The following MED25 variants were observed in gnomAD, a reference collection of about 807,000 sequenced individuals.
MED25 encodes the protein mediator complex subunit 25, also known as mediator of RNA polymerase II transcription subunit 25.
MED25 carries 62 observed loss-of-function variants against 89.4 expected under a neutral mutation model. That is an observed-to-expected ratio of 0.69 (90% CI 0.57 to 0.86). The LOEUF is 0.86. Ranked by LOEUF, MED25 falls within the 40% of genes least tolerant of loss-of-function variation. The pLI is 0.00. For synonymous variants in MED25, 449 were observed against 427.9 expected (o/e 1.05, Z -0.61); for missense variants, 905 against 1,005.2 (o/e 0.90, Z 1.35).
chr19:49,824,903 C>T (rs929184652), intron 3 of MED25, among the ~76,000 whole-genome samples: 8 of 152,082 alleles, frequency 5.3e-5, no homozygotes, highest in African/African-American at 9.7e-5. Context: ...GCAGAGACCC[C>T]GGGGAATGAT....
intron 3 of MED25, among the ~76,000 whole-genome samples, chr19:49,821,007 C>T (rs563210446): frequency 3.0e-4 from 46 of 152,344 alleles, no homozygotes; most frequent in African/African-American, 1.1e-3. Flanking sequence ...CTGCATACTG[C>T]AAACATTTAT....
intron 3 of MED25, among the ~76,000 whole-genome samples, chr19:49,821,105 G>T (rs1257458242): frequency 6.6e-6 from 1 of 152,230 alleles, no homozygotes; most frequent in African/African-American, 2.4e-5. Context: ...ATAGTCAGGA[G>T]GTCGGCAGGA....
At position 49,818,363 on chromosome 19, in the gene MED25, C is replaced by T; in HGVS notation, c.22C>T (p.Pro8Ser). Residue 8 changes from proline (P) to serine (S), a missense_variant, in exon 1 of 18, where the codon CCG (proline) becomes TCG (serine). Physicochemically the swap from Pro to Ser is moderately conservative, Grantham distance 74. Transcript: ENST00000312865. ...GGGTATGGTCCCCGGGTCCGAGGGCCCGGCCCGCGCCGGGAGCGTGGTGGC... is the reference window on the plus strand; with the variant it reads ...GGGTATGGTCCCCGGGTCCGAGGGCTCGGCCCGCGCCGGGAGCGTGGTGGC... The part of the protein sequence containing the change: MVPGSEG[P>S]ARAGSVVADV... 1 of 1,605,212 alleles carries T rather than the reference C, an allele frequency of 6.2e-7. No individual in the cohort carries two copies. Among genetic ancestry groups the T allele is most frequent in the Middle Eastern group, 1.7e-4 (1 of 5,984 alleles).
Position 49,831,975 on chromosome 19 carries a change from A to G in MED25, c.1270A>G (p.Thr424Ala). Residue 424 changes from threonine to alanine, a missense_variant, in exon 11 of 18, where the codon ACG becomes GCG. This residue lies in a region of MED25 where 133 missense variants were observed against 220.2 expected (regional missense o/e 0.60). Transcript: ENST00000312865. The surrounding 1 kb of genome is among the most constrained non-coding windows in gnomAD (Gnocchi z 5.0). ...PASVDANTKL[T>A]RSLPCQVYVN... ...CTCAGTGGATGCCAACACCAAGCTG[A>G]CGCGGTCACTGCCCTGCCAGGTCTA... is the stretch of plus-strand genomic sequence containing the variant. 6.2e-7 allele frequency: 1 copy of G among 1,613,832 alleles called. No homozygotes were observed. The highest frequency in any genetic ancestry group is 2.2e-5 in the East Asian group (1 of 44,848).
At chr19:49,833,516 GA>G (rs1433221002) in intron 13 of MED25, 1 of 152,228 alleles carries the variant, frequency 6.6e-6, no homozygotes, top group Non-Finnish European at 1.5e-5. Context: ...ACCTTAGGGG[GA>G]TCACCTCACG....
rs965999829 is a variant in MED25, at chr19:49,818,313, C to T, written c.-29C>T. On this transcript the variant is annotated 5_prime_UTR_variant, in exon 1 of 18. Transcript: ENST00000312865. ...CATTCCGCGGCGTCGGCTGCGGCTG[C>T]AGTGGTGGTGGCGGGTACCGCACGG... The T allele has an allele frequency of 4.5e-6, 7 of 1,567,122 alleles. No individual in the cohort carries two copies. Among genetic ancestry groups the T allele is most frequent in the Non-Finnish European group, 6.1e-6 (7 of 1,155,566 alleles).
At position 49,836,306 on chromosome 19, in the gene MED25, G is replaced by A. The variant is rs755620011; in HGVS notation, c.2046G>A (p.Pro682=). ...PPGAPALLPP[P]HQGLGQPQLG... is the part of the protein sequence containing the mutation. The stretch of plus-strand genomic sequence containing the variant: ...GGGCTCCTGCGCTGCTGCCTCCGCC[G>A]CACCAGGGCCTGGGGCAGCCCCAGT... The change falls in exon 17 of 18, where the codon CCG becomes CCA. Residue 682 remains proline (P), a synonymous_variant. Coordinates refer to ENST00000312865, the MANE Select transcript of MED25 (RefSeq NM_030973.4). The surrounding 1 kb of genome is among the most constrained non-coding windows in gnomAD (Gnocchi z 5.1). The A allele has an allele frequency of 6.2e-5, 100 of 1,611,042 alleles. No homozygotes were observed. The highest frequency in any genetic ancestry group is 2.5e-4 in the South Asian group (23 of 90,830).
chr19:49,840,237 AAG>A (rs1243100028), downstream of MED25: 4 of 152,292 alleles, frequency 2.6e-5, no homozygotes, highest in South Asian at 2.1e-4. Flanking sequence ...AGAATTATGA[AAG>A]AGAAAATTTT....
At chr19:49,828,663 C>T (rs1048213482) in intron 4 of MED25, 116 bp downstream of exon 4, 1 of 981,826 alleles carries the variant, frequency 1.0e-6, no homozygotes, top group Non-Finnish European at 1.6e-6. Context: ...GCTCTGTGTC[C>T]CCAAGCACGC....
rs983920270 is a variant in MED25 at position 49,831,709 on chromosome 19, G to T, written c.1231-227G>T. 1.5e-4 allele frequency among the ~76,000 whole-genome samples: 23 copies of T among 152,282 alleles called. No homozygotes were observed. The highest frequency in any genetic ancestry group is 5.5e-4 in the African/African-American group (23 of 41,562). The stretch of plus-strand genomic sequence containing the variant: ...ATTTGGGGCCCAGAGAAGAGCCCAG[G>T]CGATGTATCATCTGGGGCACAGTGG... On this transcript the variant is annotated intron_variant, in intron 10 of 17. Transcript: ENST00000312865. The surrounding 1 kb of genome is among the most constrained non-coding windows in gnomAD (Gnocchi z 5.0).
In MED25 at chr19:49,835,677, G is replaced by A; in HGVS notation, c.1747-50G>A. 3.2e-6 allele frequency: 5 copies of A among 1,585,126 alleles called. No individual in the cohort carries two copies. The highest frequency in any genetic ancestry group is 4.3e-6 in the Non-Finnish European group (5 of 1,166,388). Reference sequence around the variant, plus strand: ...AGGCTGCGCTCTGTGCCTGCAGAAGGGGCGTGAGGCCCTGCCCATCTCCCT... The same window carrying A: ...AGGCTGCGCTCTGTGCCTGCAGAAGAGGCGTGAGGCCCTGCCCATCTCCCT... On this transcript the variant is annotated intron_variant, in intron 15 of 17. Coordinates refer to ENST00000312865, the MANE Select transcript of MED25 (RefSeq NM_030973.4). The surrounding 1 kb of genome is among the most constrained non-coding windows in gnomAD (Gnocchi z 6.2).
chr19:49,827,424 A>G (rs1272067421), intron 3 of MED25, among the ~76,000 whole-genome samples: 2 of 152,118 alleles, frequency 1.3e-5, no homozygotes, highest in South Asian at 2.1e-4. Flanking sequence ...TCCAGGTGGT[A>G]GGGCCAGGCT....
downstream of MED25, among the ~76,000 whole-genome samples, chr19:49,837,210 TG>T (rs1182157187): frequency 2.0e-5 from 3 of 152,090 alleles, no homozygotes; most frequent in African/African-American, 7.2e-5. Flanking sequence ...AGGGGCACCA[TG>T]GGAGCCTGGA....
Position 49,835,208 on chromosome 19 carries a change from C to T in MED25, c.1674+31C>T. ...TGTTGACAGTCCCCAAACCAGCACT[C>T]CGACCCCCTCCTGCCCGGGCCCCAC... On this transcript the variant is annotated intron_variant, in intron 14 of 17. Transcript: ENST00000312865. This position sits in a 1 kb window ranked among gnomAD's most constrained non-coding sequence, Gnocchi z 6.2. The T allele has an allele frequency of 6.2e-7, 1 of 1,612,120 alleles. No homozygotes were observed. The highest frequency in any genetic ancestry group is 8.5e-7 in the Non-Finnish European group (1 of 1,178,564).
At position 49,818,311 on chromosome 19, in the gene MED25, T is replaced by A. The variant is rs1018990154; in HGVS notation, c.-31T>A. ...CTCATTCCGCGGCGTCGGCTGCGGCTGCAGTGGTGGTGGCGGGTACCGCAC... is the reference window on the plus strand; with the variant it reads ...CTCATTCCGCGGCGTCGGCTGCGGCAGCAGTGGTGGTGGCGGGTACCGCAC... On this transcript the variant is annotated 5_prime_UTR_variant, in exon 1 of 18. Transcript: ENST00000312865. The A allele has an allele frequency of 1.3e-5, 21 of 1,566,050 alleles. No individual in the cohort carries two copies. The highest frequency in any genetic ancestry group is 1.8e-5 in the Non-Finnish European group (21 of 1,154,898).
Position 49,819,234 on chromosome 19 carries a change from C to T in MED25, c.243C>T (p.Tyr81=), listed in dbSNP as rs2123862187. The change falls in exon 3 of 18, where the codon TAC becomes TAT. Residue 81 remains tyrosine (Y), a synonymous_variant. Coordinates refer to ENST00000312865, the MANE Select transcript of MED25 (RefSeq NM_030973.4). Reference sequence around the variant, plus strand: ...CAGTGGACTGCGCTCCCGAGTCCTACGTACAATGTCACGCTCCCACCAGCA... The same window carrying T: ...CAGTGGACTGCGCTCCCGAGTCCTATGTACAATGTCACGCTCCCACCAGCA... ...FNTVDCAPES[Y]VQCHAPTSSA... is the part of the protein sequence containing the mutation. 1.2e-6 allele frequency: 2 copies of T among 1,614,228 alleles called. No individual in the cohort carries two copies. Among genetic ancestry groups the T allele is most frequent in the Non-Finnish European group, 8.5e-7 (1 of 1,180,030 alleles).
intron 3 of MED25, among the ~76,000 whole-genome samples, chr19:49,825,862 C>T (rs1053251209): frequency 1.3e-5 from 2 of 151,770 alleles, no homozygotes; most frequent in African/African-American, 2.4e-5. Flanking sequence ...CCAAAGAGGA[C>T]ACCCCATATG....
At chr19:49,819,782 A>T (rs1214885710) in intron 3 of MED25, 9 of 267,206 alleles carry the variant, frequency 3.4e-5, no homozygotes, top group Non-Finnish European at 5.8e-5. Flanking sequence ...GTGCAGGGGG[A>T]TGGGTCAGAG....
chr19:49,829,924 C>T lies in MED25; in HGVS notation c.664C>T (p.Leu222=), dbSNP rs147538736. 1,279 of 1,612,930 alleles carry T rather than the reference C, an allele frequency of 7.9e-4. 2 individuals are homozygous for T. The highest frequency in any genetic ancestry group is 1.0e-3 in the Non-Finnish European group (1,185 of 1,179,562). Residue 222 remains leucine, a synonymous_variant, in exon 6 of 18, where the codon CTG becomes TTG. Transcript: ENST00000312865. The surrounding 1 kb of genome is among the most constrained non-coding windows in gnomAD (Gnocchi z 4.6). ...DVSQDPRHMV[L]VRGLVLPVGG... Reference sequence around the variant, plus strand: ...GAGCCAGGACCCGAGGCACATGGTGCTGGTTCGGGGACTCGTGCTGCCTGG... The same window carrying T: ...GAGCCAGGACCCGAGGCACATGGTGTTGGTTCGGGGACTCGTGCTGCCTGG...
Sources: allele counts gnomAD v4.1 joint callset (sites outside exome capture counted in the v4.1 genomes callset), GRCh38; gene constraint gnomAD v4.1.1; regional missense constraint gnomAD v4.1.1; non-coding constraint Gnocchi (gnomAD v3.1); transcripts MANE v1.5; gene names NCBI Gene and HGNC (gene_info 2026-07-23, HGNC 2026-07-21).